PRKG1: variants seen among roughly 807,000 people sequenced by gnomAD.
PRKG1 encodes the protein cGMP-dependent protein kinase 1.
Under a neutral mutation model 88.1 loss-of-function variants are expected in PRKG1, and 35 were observed. The ratio of observed to expected loss-of-function variants is 0.40; its 90% CI spans 0.30 to 0.53. PRKG1 has a LOEUF of 0.53. Ranked by LOEUF, PRKG1 falls within the 20% of genes least tolerant of loss-of-function variation. The pLI, the probability that PRKG1 is intolerant of heterozygous loss-of-function variation, is 0.59. For missense variants in PRKG1, 540 were observed against 839.8 expected (o/e 0.64, Z 4.41); for synonymous variants, 303 against 292.5 (o/e 1.04, Z -0.37).
At chr10:51,754,258 A>G (rs1182901765) in intron 3 of PRKG1, among the ~76,000 whole-genome samples, 1 of 152,144 alleles carries the variant, frequency 6.6e-6, no homozygotes, top group Non-Finnish European at 1.5e-5. Flanking sequence ...TCAAATCTCA[A>G]GCAAGCCTCA....
intron 1 of PRKG1, among the ~76,000 whole-genome samples, chr10:51,008,747 C>G (rs1011482359): frequency 1.3e-5 from 2 of 152,040 alleles, no homozygotes; most frequent in African/African-American, 4.8e-5. Context: ...CCTTCAAGCC[C>G]AAGATATGGA....
chr10:51,422,776 A>C (rs534394112), intron 2 of PRKG1, among the ~76,000 whole-genome samples: 5 of 151,876 alleles, frequency 3.3e-5, no homozygotes, highest in Admixed American at 2.6e-4. Context: ...GGCCACACTC[A>C]TGCCTGCTGC....
Position 52,062,521 on chromosome 10 carries a change from T to C in PRKG1, c.841-16T>C. On this transcript the variant is annotated splice_polypyrimidine_tract_variant and intron_variant, in intron 6 of 17. Transcript: ENST00000373980. ...GGTAAGCAGTGGATCTAAACTTTCA[T>C]TGTTTCTCTTTGCAGGTAAATGTCA... 5 of 1,526,438 alleles carry C rather than the reference T, an allele frequency of 3.3e-6. No homozygotes were observed. Among genetic ancestry groups the C allele is most frequent in the South Asian group, 2.5e-5 (2 of 81,594 alleles). 94.6% of individuals were successfully genotyped at this position (1,526,438 alleles called of 1,614,324 possible).
chr10:51,024,687 T>C (rs1843184139), intron 1 of PRKG1, among the ~76,000 whole-genome samples: 1 of 152,166 alleles, frequency 6.6e-6, no homozygotes, highest in Non-Finnish European at 1.5e-5. Context: ...TGTGGAGGCC[T>C]CAGGAAACTT....
intron 3 of PRKG1, among the ~76,000 whole-genome samples, chr10:51,729,445 C>T (rs1249754645): frequency 1.3e-5 from 2 of 151,964 alleles, no homozygotes; most frequent in African/African-American, 4.8e-5. Context: ...ATTGACTGGG[C>T]ACGGTGGCTC....
intron 2 of PRKG1, among the ~76,000 whole-genome samples, chr10:51,307,150 T>G (rs4935239): frequency 0.23 from 34,249 of 151,956 alleles, 4,367 homozygotes; most frequent in East Asian, 0.33. Context: ...TATTATATAT[T>G]ATTAATATAA....
intron 2 of PRKG1, among the ~76,000 whole-genome samples, chr10:51,347,728 G>C (rs911523148): frequency 5.9e-5 from 9 of 151,966 alleles, no homozygotes; most frequent in African/African-American, 2.2e-4. Context: ...GATTCTCAGT[G>C]GTGTAACAGG....
At chr10:52,280,996 C>T in intron 13 of PRKG1, 66 bp downstream of exon 13, 1 of 1,510,126 alleles carries the variant, frequency 6.6e-7, no homozygotes, top group Non-Finnish European at 9.0e-7. Flanking sequence ...AAACTGTGTT[C>T]ATTTGCTAAT....
chr10:51,653,734 T>C (rs1411234179), intron 3 of PRKG1, among the ~76,000 whole-genome samples: 2 of 151,926 alleles, frequency 1.3e-5, no homozygotes, highest in South Asian at 2.1e-4. Context: ...GCCTGGCTAA[T>C]TTTTTGTGTT....
chr10:52,290,101 C>A, intron 16 of PRKG1, 123 bp from the exon 17 acceptor site: 5 of 682,716 alleles, frequency 7.3e-6, no homozygotes, highest in Non-Finnish European at 9.8e-6. Flanking sequence ...AAATAGAAAA[C>A]ATTTTTGTCA....
Position 51,046,158 on chromosome 10 carries a change from A to G in PRKG1, c.266+54514A>G, listed in dbSNP as rs138892442. Among the ~76,000 whole-genome samples the G allele has an allele frequency of 6.6e-5, 10 of 152,382 alleles. No individual in the cohort carries two copies. In the East Asian group the frequency reaches 1.7e-3, roughly 26 times the overall value. On this transcript the variant is annotated intron_variant, in intron 1 of 17. Transcript: ENST00000401604. ...TCCAGTATGTAACAATTGTTTACAT[A>G]GGAACCTTGGTTGAATTAACCTTGA...
chr10:51,520,087 A>G (rs1289680461), intron 3 of PRKG1, among the ~76,000 whole-genome samples: 3 of 152,100 alleles, frequency 2.0e-5, no homozygotes, highest in African/African-American at 7.2e-5. Context: ...GGAGTAGTTC[A>G]TTCTCAAACT....
chr10:51,850,620 A>G (rs1840528469), intron 4 of PRKG1, among the ~76,000 whole-genome samples: 1 of 152,136 alleles, frequency 6.6e-6, no homozygotes, highest in Non-Finnish European at 1.5e-5. Flanking sequence ...CAATCTCCTT[A>G]ATATGTAAAG....
chr10:51,125,350 A>G (rs1350731987), intron 1 of PRKG1, among the ~76,000 whole-genome samples: 1 of 151,170 alleles, frequency 6.6e-6, no homozygotes, highest in Non-Finnish European at 1.5e-5. Context: ...TATAAATTAT[A>G]TAAATTTATT....
At chr10:51,610,195 A>G (rs1838871482) in intron 3 of PRKG1, among the ~76,000 whole-genome samples, 1 of 152,100 alleles carries the variant, frequency 6.6e-6, no homozygotes, top group Admixed American at 6.6e-5. Context: ...CATTAACTAT[A>G]GTAACCTTAC....
At chr10:51,154,033 A>G (rs1846143935) in intron 2 of PRKG1, among the ~76,000 whole-genome samples, 1 of 152,026 alleles carries the variant, frequency 6.6e-6, no homozygotes, top group South Asian at 2.1e-4. Context: ...AGCTTGGAAG[A>G]AAGTGAGTGC....
chr10:51,294,726 GATAT>G (rs967636879), intron 2 of PRKG1, among the ~76,000 whole-genome samples: 26 of 152,154 alleles, frequency 1.7e-4, no homozygotes, highest in African/African-American at 5.1e-4. Flanking sequence ...AGCTTTGTAA[GATAT>G]ATTTAAATCA....
At chr10:52,188,575 T>C (rs1839281857) in intron 9 of PRKG1, among the ~76,000 whole-genome samples, 1 of 151,894 alleles carries the variant, frequency 6.6e-6, no homozygotes, top group Non-Finnish European at 1.5e-5. Context: ...GAAACCATAA[T>C]GAATGAATAT....
chr10:51,162,865 A>G (rs748565847), intron 2 of PRKG1, among the ~76,000 whole-genome samples: 2 of 152,178 alleles, frequency 1.3e-5, no homozygotes, highest in Non-Finnish European at 2.9e-5. Flanking sequence ...CTACAGGTTC[A>G]TGACACCATA....
Sources: allele counts gnomAD v4.1 joint callset (sites outside exome capture counted in the v4.1 genomes callset), GRCh38; gene constraint gnomAD v4.1.1; transcripts MANE v1.5; gene names NCBI Gene and HGNC (gene_info 2026-07-23, HGNC 2026-07-21).